Variants in GCC2 observed in about 807,000 individuals in gnomAD.
GCC2 encodes GRIP and coiled-coil domain-containing protein 2.
A neutral mutation model predicts 210.6 loss-of-function variants in GCC2; 120 were observed. The observed-to-expected ratio is 0.57, with a 90% confidence interval of 0.49 to 0.66. GCC2 has a LOEUF of 0.66. Ranked by LOEUF, GCC2 falls within the 30% of genes least tolerant of loss-of-function variation. The probability of loss-of-function intolerance (pLI) is 0.00; values close to 1 mark genes in which losing one functional copy is unlikely to be tolerated. For missense variants in GCC2, 1,868 were observed against 1,871.9 expected (o/e 1.00, Z 0.04); for synonymous variants, 703 against 652.7 (o/e 1.08, Z -1.17).
Position 108,487,702 on chromosome 2 carries a change from G to T in GCC2, c.3934G>T (p.Glu1312Ter). Reference sequence around the variant, plus strand: ...TTCTCTCTTTTAAATGTTATAGGCAGAACAAGCTACTGTAACCTCTGAATT... The same window carrying T: ...TTCTCTCTTTTAAATGTTATAGGCATAACAAGCTACTGTAACCTCTGAATT... ...LQEECRAAKA[E>*]QATVTSEFES... The change falls in exon 17 of 23, where the codon GAA (glutamate) becomes TAA (stop). Residue 1312 changes from glutamate to a stop codon, truncating the protein, a stop_gained. Coordinates refer to ENST00000309863, the MANE Select transcript of GCC2 (RefSeq NM_181453.4). LOFTEE classifies it high-confidence loss of function. 6.2e-7 allele frequency: 1 copy of T among 1,612,350 alleles called. No individual in the cohort carries two copies. The highest frequency in any genetic ancestry group is 1.1e-5 in the South Asian group (1 of 90,862).
chr2:108,460,712 C>T (rs1045651454), intron 4 of GCC2, among the ~76,000 whole-genome samples: 1 of 152,070 alleles, frequency 6.6e-6, no homozygotes. Context: ...ATTATAGTAT[C>T]TTTGTGATAT....
Position 108,469,943 on chromosome 2 carries a change from T to C in GCC2, c.614T>C (p.Leu205Ser), listed in dbSNP as rs1216625830. 1 of 1,613,446 alleles carries C rather than the reference T, an allele frequency of 6.2e-7. No individual in the cohort carries two copies. The highest frequency in any genetic ancestry group is 8.5e-7 in the Non-Finnish European group (1 of 1,179,722). Residue 205 changes from leucine (L) to serine (S), a missense_variant, in exon 6 of 23, where the codon TTA (leucine) becomes TCA (serine). Leu to Ser is a moderately radical substitution (Grantham distance 145). Coordinates refer to ENST00000309863, the MANE Select transcript of GCC2 (RefSeq NM_181453.4). ...CAAATTTTATATCTGCAAAAGCAAT[T>C]AGACGCTACCACTGATGAAAAGAAG... ...EEQILYLQKQ[L>S]DATTDEKKET...
chr2:108,473,495 C>T (rs1681347935), intron 7 of GCC2, among the ~76,000 whole-genome samples: 1 of 152,156 alleles, frequency 6.6e-6, no homozygotes, highest in South Asian at 2.1e-4. Context: ...TGATCATAAA[C>T]ACACTAGTAT....
intron 18 of GCC2, 128 bp from the exon 19 acceptor site, chr2:108,492,445 G>A: frequency 4.5e-6 from 3 of 664,634 alleles, no homozygotes; most frequent in Non-Finnish European, 8.3e-6. Flanking sequence ...CAGGTATGTA[G>A]GAGAGAAGTT....
At chr2:108,482,765 C>T (rs979113150) in intron 11 of GCC2, among the ~76,000 whole-genome samples, 1 of 152,194 alleles carries the variant, frequency 6.6e-6, no homozygotes, top group African/African-American at 2.4e-5. Context: ...CAAGCTCCAC[C>T]TCCTGGGTTC....
rs1220165389 is a variant in GCC2, at chr2:108,470,166, C to G, written c.837C>G (p.Asn279Lys). 5.0e-6 allele frequency: 8 copies of G among 1,613,316 alleles called. No homozygotes were observed. Among genetic ancestry groups the G allele is most frequent in the Non-Finnish European group, 5.9e-6 (7 of 1,179,778 alleles). Residue 279 changes from asparagine to lysine, a missense_variant, in exon 6 of 23, where the codon AAC (asparagine) becomes AAG (lysine). By Grantham distance (94) the Asn-to-Lys change is moderately conservative. Around this residue, in one of 3 missense-constraint regions of GCC2, gnomAD observed 1,847 missense variants for 1,765.2 expected, o/e 1.05. Transcript: ENST00000309863. ...EINKLNELKENLVKQCEASEK... is the reference protein window; with the variant it reads ...EINKLNELKEKLVKQCEASEK... The stretch of plus-strand genomic sequence containing the variant: ...ATAAGTTGAACGAGCTAAAAGAGAA[C>G]TTAGTAAAACAATGTGAGGCAAGTG...
chr2:108,497,156 T>C, intron 21 of GCC2, 47 bp downstream of exon 21: 1 of 1,611,562 alleles, frequency 6.2e-7, no homozygotes, highest in Non-Finnish European at 8.5e-7. Context: ...AGTTTGGTTT[T>C]CTTGACCCTC....
At chr2:108,496,937 T>C (rs1264566607) in intron 20 of GCC2, 33 bp from the exon 21 acceptor site, 1 of 1,610,976 alleles carries the variant, frequency 6.2e-7, no homozygotes, top group Admixed American at 1.7e-5. Flanking sequence ...ATGTATGATT[T>C]TGAAAATTAA....
chr2:108,465,529 A>G (rs1421301044), intron 4 of GCC2, among the ~76,000 whole-genome samples: 1 of 152,052 alleles, frequency 6.6e-6, no homozygotes, highest in Non-Finnish European at 1.5e-5. Context: ...TGCATCTCTA[A>G]CATCCATTAT....
At chr2:108,466,863 C>A (rs941317721) in intron 4 of GCC2, among the ~76,000 whole-genome samples, 1 of 152,118 alleles carries the variant, frequency 6.6e-6, no homozygotes, top group African/African-American at 2.4e-5. Flanking sequence ...GGTATGAAGT[C>A]TTTTTTAATA....
intron 3 of GCC2, among the ~76,000 whole-genome samples, chr2:108,451,315 AC>A (rs1679932047): frequency 6.6e-6 from 1 of 152,166 alleles, no homozygotes; most frequent in Non-Finnish European, 1.5e-5. Context: ...AACCACAGTG[AC>A]TTTTGAGTTG....
In GCC2 at chr2:108,458,281, A is replaced by G. The variant is rs567648066; in HGVS notation, c.216+5815A>G. 2.0e-5 allele frequency among the ~76,000 whole-genome samples: 3 copies of G among 149,912 alleles called. No homozygotes were observed. The East Asian group carries it at 5.9e-4, about 29-fold the overall frequency. ...GAATAAATTCATTTGATCATGGTGT[A>G]TTATCTTTTCAATGTGCTGTTAGAT... On this transcript the variant is annotated intron_variant, in intron 4 of 22. Transcript: ENST00000309863.
chr2:108,489,392 G>A (rs1192351598), intron 17 of GCC2, among the ~76,000 whole-genome samples: 1 of 152,124 alleles, frequency 6.6e-6, no homozygotes, highest in Non-Finnish European at 1.5e-5. Context: ...GTGGGTGCCT[G>A]TAGTCCTAGC....
intron 4 of GCC2, among the ~76,000 whole-genome samples, chr2:108,456,593 C>T (rs1680291593): frequency 6.6e-6 from 1 of 151,938 alleles, no homozygotes; most frequent in Non-Finnish European, 1.5e-5. Flanking sequence ...GTATTAGTCC[C>T]ATATTGGATG....
chr2:108,454,972 A>C (rs1680175723), intron 4 of GCC2, among the ~76,000 whole-genome samples: 1 of 92,744 alleles, frequency 1.1e-5, no homozygotes, highest in Admixed American at 1.2e-4. Flanking sequence ...CGCTCACTGC[A>C]ACCTCTATAG....
Position 108,497,079 on chromosome 2 carries a change from A to G in GCC2, c.4752A>G (p.Ala1584=). ...ACGGCCTGCTTCGGGAAACAGAAGC[A>G]ACCAATGCAATTCTTATGGAGCAAA... is the stretch of plus-strand genomic sequence containing the variant. ...HLNGLLRETE[A]TNAILMEQIK... is the part of the protein sequence containing the mutation. The change falls in exon 21 of 23, where the codon GCA becomes GCG. Residue 1584 remains alanine, a synonymous_variant. Transcript: ENST00000309863. The G allele has an allele frequency of 6.2e-7, 1 of 1,612,048 alleles. No homozygotes were observed. Among genetic ancestry groups the G allele is most frequent in the Non-Finnish European group, 8.5e-7 (1 of 1,179,868 alleles).
At chr2:108,488,668 C>G (rs1015848214) in intron 17 of GCC2, among the ~76,000 whole-genome samples, 2 of 152,164 alleles carry the variant, frequency 1.3e-5, no homozygotes, top group African/African-American at 2.4e-5. Flanking sequence ...TGCTTTAAAA[C>G]TAGCATACAG....
At position 108,490,114 on chromosome 2, in the gene GCC2, A is replaced by G. The variant is rs965214357; in HGVS notation, c.4229+100A>G. 2 of 850,724 alleles carry G rather than the reference A, an allele frequency of 2.4e-6. 1 individual carries two copies. Among genetic ancestry groups the G allele is most frequent in the South Asian group, 6.1e-5 (2 of 32,964 alleles). The allele number at this position is 850,724 out of a possible 1,614,324, so 52.7% of individuals were successfully genotyped here. On this transcript the variant is annotated intron_variant, in intron 18 of 22. Coordinates refer to ENST00000309863, the MANE Select transcript of GCC2 (RefSeq NM_181453.4). ...CCTTGAGATAAATGCAGATTAGAAA[A>G]TAAAAAATAGACATTTCTAAAGGCT...
At chr2:108,497,695 C>T (rs1174974034) in intron 21 of GCC2, among the ~76,000 whole-genome samples, 1 of 152,090 alleles carries the variant, frequency 6.6e-6, no homozygotes, top group Non-Finnish European at 1.5e-5. Context: ...ACACCAGAAA[C>T]ATCTAGGAAT....
Sources: allele counts gnomAD v4.1 joint callset (sites outside exome capture counted in the v4.1 genomes callset), GRCh38; gene constraint gnomAD v4.1.1; regional missense constraint gnomAD v4.1.1; transcripts MANE v1.5; gene names NCBI Gene and HGNC (gene_info 2026-07-23, HGNC 2026-07-21).